The following EFR3A variants were observed in gnomAD, a reference collection of about 807,000 sequenced individuals.
The protein encoded by EFR3A is EFR3 homolog A, also known as protein EFR3 homolog A.
In EFR3A, 76 loss-of-function variants were observed where a neutral mutation model predicts 104.4. That is an observed-to-expected ratio of 0.73 (90% CI 0.60 to 0.88). EFR3A has a LOEUF of 0.88. Ranked by LOEUF, EFR3A falls within the 40% of genes least tolerant of loss-of-function variation. The probability of loss-of-function intolerance (pLI) is 0.00; values close to 1 mark genes in which losing one functional copy is unlikely to be tolerated. For missense variants in EFR3A, 985 were observed against 1,012.5 expected, an observed-to-expected ratio of 0.97 and a Z score of 0.37; for synonymous variants, 330 against 330.0, an observed-to-expected ratio of 1.00 and a Z score of 0.00.
intron 19 of EFR3A, among the ~76,000 whole-genome samples, chr8:132,001,508 A>T (rs993716133): frequency 1.3e-5 from 2 of 152,142 alleles, no homozygotes; most frequent in African/African-American, 4.8e-5. Context: ...TGCCTAGGGT[A>T]TGTTAATTAT....
In EFR3A at chr8:131,936,240, A is replaced by G. The variant is rs531233646; in HGVS notation, c.11-4259A>G. Among the ~76,000 whole-genome samples, 278 of 152,272 alleles carry G rather than the reference A, an allele frequency of 1.8e-3. 2 individuals are homozygous for G. The highest frequency in any genetic ancestry group is 6.5e-3 in the African/African-American group (270 of 41,566). On this transcript the variant is annotated intron_variant, in intron 1 of 22. Transcript: ENST00000254624. ...TATGAGAATGATGTTAGGGGAGCAA[A>G]GGAGAAGAATTTTCTTGCAGTGTTG...
intron 3 of EFR3A, 89 bp downstream of exon 3, chr8:131,944,961 T>C: frequency 7.1e-6 from 10 of 1,399,722 alleles, no homozygotes; most frequent in Non-Finnish European, 9.7e-6. Context: ...TGCCATTTAG[T>C]GAGACAAAGA....
chr8:131,976,401 A>G (rs1820329008), intron 11 of EFR3A, among the ~76,000 whole-genome samples: 1 of 152,252 alleles, frequency 6.6e-6, no homozygotes, highest in East Asian at 1.9e-4. Flanking sequence ...GTGTGTGTGC[A>G]TACACATTTA....
chr8:131,906,126 GT>G (rs1309229458), intron 1 of EFR3A, among the ~76,000 whole-genome samples: 1 of 152,216 alleles, frequency 6.6e-6, no homozygotes, highest in Non-Finnish European at 1.5e-5. Flanking sequence ...GGGGGTACCA[GT>G]GTGAGGTGAA....
At chr8:131,935,910 A>G (rs997247164) in intron 1 of EFR3A, among the ~76,000 whole-genome samples, 1 of 151,604 alleles carries the variant, frequency 6.6e-6, no homozygotes, top group Non-Finnish European at 1.5e-5. Context: ...ATAGAGTTGC[A>G]TAGGAAAGCA....
At chr8:131,931,252 G>T (rs1399148372) in intron 1 of EFR3A, among the ~76,000 whole-genome samples, 1 of 152,118 alleles carries the variant, frequency 6.6e-6, no homozygotes, top group Non-Finnish European at 1.5e-5. Context: ...AACATAGTTC[G>T]CTTTGATTGT....
chr8:131,910,971 C>A (rs536731728), intron 1 of EFR3A, among the ~76,000 whole-genome samples: 2 of 152,156 alleles, frequency 1.3e-5, no homozygotes, highest in South Asian at 2.1e-4. Flanking sequence ...AAGAGTGGAC[C>A]GGAAGATAGG....
chr8:131,971,786 C>T (rs1478988561), intron 10 of EFR3A, among the ~76,000 whole-genome samples: 1 of 151,988 alleles, frequency 6.6e-6, no homozygotes, highest in African/African-American at 2.4e-5. Context: ...CACACTGTAA[C>T]TTGCTCCTTT....
intron 18 of EFR3A, among the ~76,000 whole-genome samples, chr8:131,988,444 A>G (rs557485604): frequency 4.6e-5 from 7 of 152,150 alleles, no homozygotes; most frequent in Admixed American, 3.9e-4. Flanking sequence ...GTCTTTGTAA[A>G]TGGCTTTTTT....
intron 12 of EFR3A, among the ~76,000 whole-genome samples, chr8:131,978,228 C>G (rs1304274063): frequency 6.6e-6 from 1 of 152,102 alleles, no homozygotes; most frequent in African/African-American, 2.4e-5. Context: ...CCTTGCCTTT[C>G]TGATTATACC....
At chr8:131,968,230 T>G (rs1339281157) in intron 8 of EFR3A, 65 bp from the exon 9 acceptor site, 2 of 1,497,522 alleles carry the variant, frequency 1.3e-6, no homozygotes, top group African/African-American at 1.4e-5. Flanking sequence ...TTTTTTTTAT[T>G]CTTAGGAATT....
chr8:131,945,478 A>G (rs777240816), intron 3 of EFR3A, among the ~76,000 whole-genome samples: 1 of 152,040 alleles, frequency 6.6e-6, no homozygotes, highest in Non-Finnish European at 1.5e-5. Context: ...TTATGATCCA[A>G]GTTTATTGGA....
At position 132,008,619 on chromosome 8, in the gene EFR3A, C is replaced by T. The variant is rs78019565; in HGVS notation, c.2361-2171C>T. Reference sequence around the variant, plus strand: ...AGACCATTTACGTGAAGTTTAAGAACAAGCACCACTAATCTTCAGTGATGG... The same window carrying T: ...AGACCATTTACGTGAAGTTTAAGAATAAGCACCACTAATCTTCAGTGATGG... On this transcript the variant is annotated intron_variant, in intron 22 of 22. Coordinates refer to ENST00000254624, the MANE Select transcript of EFR3A (RefSeq NM_015137.6). Among the ~76,000 whole-genome samples the T allele has an allele frequency of 3.3e-4, 50 of 151,894 alleles. No individual in the cohort carries two copies. In the East Asian group the frequency reaches 8.2e-3, roughly 25 times the overall value.
chr8:132,002,597 G>A lies in EFR3A; in HGVS notation c.2207-6G>A. 2 of 1,605,448 alleles carry A rather than the reference G, an allele frequency of 1.2e-6. No homozygotes were observed. Among genetic ancestry groups the A allele is most frequent in the African/African-American group, 1.3e-5 (1 of 74,778 alleles). On this transcript the variant is annotated splice_region_variant and splice_polypyrimidine_tract_variant and intron_variant, in intron 20 of 22. Coordinates refer to ENST00000254624, the MANE Select transcript of EFR3A (RefSeq NM_015137.6). ...CTTTAATAAGTCTTTATAAATATTT[G>A]TATAGATACCAGTGGAATGGAAGAA...
At chr8:131,957,638 C>G (rs1819080591) in intron 7 of EFR3A, among the ~76,000 whole-genome samples, 1 of 152,188 alleles carries the variant, frequency 6.6e-6, no homozygotes, top group African/African-American at 2.4e-5. Context: ...GCATGAGCCA[C>G]AGCACCCTGC....
At chr8:131,987,887 C>T (rs144299189) in intron 18 of EFR3A, among the ~76,000 whole-genome samples, 185 bp downstream of exon 18, 2 of 152,098 alleles carry the variant, frequency 1.3e-5, no homozygotes, top group Non-Finnish European at 2.9e-5. Context: ...TTCAGTAAAT[C>T]TCTAACGACA....
Position 131,955,860 on chromosome 8 carries a change from G to C in EFR3A, c.731G>C (p.Arg244Pro), listed in dbSNP as rs778749379. 7 of 1,613,282 alleles carry C rather than the reference G, an allele frequency of 4.3e-6. No homozygotes were observed. Among genetic ancestry groups the C allele is most frequent in the Non-Finnish European group, 5.9e-6 (7 of 1,179,564 alleles). The change falls in exon 7 of 23, where the codon CGA (arginine) becomes CCA (proline). Residue 244 changes from arginine (R) to proline (P), a missense_variant. Physicochemically the swap from Arg to Pro is moderately radical, Grantham distance 103 (BLOSUM62 -2). Coordinates refer to ENST00000254624, the MANE Select transcript of EFR3A (RefSeq NM_015137.6). ...AENCFRELLG[R>P]ATFGNMNNAV... ...AACTGTTTCAGAGAACTGCTGGGTCGAGCAACTTTTGGGAATATGAATAAT... is the reference window on the plus strand; with the variant it reads ...AACTGTTTCAGAGAACTGCTGGGTCCAGCAACTTTTGGGAATATGAATAAT...
chr8:131,967,007 C>T (rs945108916), intron 8 of EFR3A, among the ~76,000 whole-genome samples: 1 of 152,084 alleles, frequency 6.6e-6, no homozygotes, highest in African/African-American at 2.4e-5. Context: ...GATAATACCT[C>T]CTTCACTCTC....
At chr8:131,933,232 G>A (rs1162110439) in intron 1 of EFR3A, among the ~76,000 whole-genome samples, 3 of 152,070 alleles carry the variant, frequency 2.0e-5, no homozygotes, top group African/African-American at 7.2e-5. Flanking sequence ...GGACACCGGG[G>A]CGGTATAGTC....
Sources: gnomAD v4.1 joint callset for allele counts (sites outside exome capture counted in the v4.1 genomes callset) on GRCh38, gnomAD v4.1.1 for gene constraint, MANE v1.5 for transcripts, NCBI Gene and HGNC (gene_info 2026-07-23, HGNC 2026-07-21) for gene names.